IARS1: variants seen among roughly 807,000 people sequenced by gnomAD.
IARS1 encodes isoleucyl-tRNA synthetase 1, also known as isoleucine--tRNA ligase, cytoplasmic.
A neutral mutation model predicts 168.2 loss-of-function variants in IARS1; 124 were observed. That is an observed-to-expected ratio of 0.74 (90% CI 0.64 to 0.86). The LOEUF (loss-of-function observed/expected upper bound fraction) is 0.86, where lower values mean the gene tolerates loss of function less well. Among genes scored for constraint, IARS1 ranks in the 40% least tolerant of loss-of-function variants. IARS1 has a pLI of 0.00. For missense variants in IARS1, 1,452 were observed against 1,515.8 expected, an observed-to-expected ratio of 0.96 and a Z score of 0.70; for synonymous variants, 532 against 529.4, an observed-to-expected ratio of 1.00 and a Z score of -0.07.
At chr9:92,249,001 C>T (rs1829638647) in intron 25 of IARS1, among the ~76,000 whole-genome samples, 1 of 152,220 alleles carries the variant, frequency 6.6e-6, no homozygotes, top group African/African-American at 2.4e-5. Flanking sequence ...CAAAACTCCA[C>T]TTCTGGAATC....
chr9:92,259,213 G>A (rs967319351), intron 18 of IARS1, among the ~76,000 whole-genome samples: 2 of 152,158 alleles, frequency 1.3e-5, no homozygotes, highest in African/African-American at 4.8e-5. Context: ...TATATAATCT[G>A]ACACCAAAAT....
chr9:92,242,544 T>C (rs557097800), intron 28 of IARS1: 23 of 536,658 alleles, frequency 4.3e-5, no homozygotes, highest in Admixed American at 3.5e-4. Flanking sequence ...GGATAGGGCA[T>C]GTTTCTTTTC....
chr9:92,291,231 AG>A (rs1295996013), intron 1 of IARS1, among the ~76,000 whole-genome samples: 4 of 152,138 alleles, frequency 2.6e-5, no homozygotes, highest in Non-Finnish European at 5.9e-5. Context: ...TCAGATCAGA[AG>A]GGGATAAAAT....
chr9:92,237,472 T>TGA (rs1351627225), intron 30 of IARS1, among the ~76,000 whole-genome samples: 5 of 152,338 alleles, frequency 3.3e-5, no homozygotes, highest in African/African-American at 1.2e-4. Context: ...CAAAGTTCTG[T>TGA]GAGAGCTCAA....
intron 21 of IARS1, among the ~76,000 whole-genome samples, chr9:92,252,836 G>C (rs1430695685): frequency 2.1e-5 from 3 of 140,374 alleles, no homozygotes; most frequent in Admixed American, 1.5e-4. Flanking sequence ...CATTGGGCCT[G>C]CAGTAAAGAG....
chr9:92,238,184 G>A (rs1438437468), intron 30 of IARS1, among the ~76,000 whole-genome samples: 1 of 152,150 alleles, frequency 6.6e-6, no homozygotes, highest in African/African-American at 2.4e-5. Flanking sequence ...GATTACAGGC[G>A]TGAGCCACTG....
chr9:92,269,946 A>AG lies in IARS1; in HGVS notation c.1242dup (p.Trp415LeufsTer17). On this transcript the variant is annotated frameshift_variant, in exon 13 of 34. Transcript: ENST00000443024. LOFTEE classifies it high-confidence loss of function. ...ACCATGTTCTCCACTCGCACAAACC[A>AG]GCTGGGCACTGCTTTGTAAATTAGA... 6.2e-7 allele frequency: 1 copy of AG among 1,613,848 alleles called. No homozygotes were observed. Among genetic ancestry groups the AG allele is most frequent in the East Asian group, 2.2e-5 (1 of 44,856 alleles).
intron 21 of IARS1, among the ~76,000 whole-genome samples, chr9:92,252,722 C>T (rs2133721061): frequency 7.7e-6 from 1 of 129,580 alleles, no homozygotes; most frequent in African/African-American, 3.0e-5. Context: ...CAAGATCATG[C>T]CACTGCACTC....
chr9:92,268,862 T>C (rs12353096), intron 13 of IARS1, among the ~76,000 whole-genome samples: 72,221 of 151,994 alleles, frequency 0.48, 20,682 homozygotes, highest in African/African-American at 0.81. Context: ...CTTCCCTCCC[T>C]TCTGCATCCA....
chr9:92,268,121 T>C (rs1370486756), intron 14 of IARS1, 53 bp downstream of exon 14: 1 of 1,511,554 alleles, frequency 6.6e-7, no homozygotes, highest in Non-Finnish European at 8.8e-7. Flanking sequence ...TCAGATTTCA[T>C]GAACAAAATG....
chr9:92,268,952 C>T lies in IARS1; in HGVS notation c.1305-652G>A, dbSNP rs899651610. Among the ~76,000 whole-genome samples, 6 of 152,302 alleles carry T rather than the reference C, an allele frequency of 3.9e-5. No homozygotes were observed. In the East Asian group the frequency reaches 1.2e-3, roughly 29 times the overall value. ...GCAGAAATCCTTTTCAAGCACAAGGCTGAGTCAGGGTAGGCTACCAGACCT... is the reference window on the plus strand; with the variant it reads ...GCAGAAATCCTTTTCAAGCACAAGGTTGAGTCAGGGTAGGCTACCAGACCT... On this transcript the variant is annotated intron_variant, in intron 13 of 33. Coordinates refer to ENST00000443024, the MANE Select transcript of IARS1 (RefSeq NM_002161.6).
Position 92,256,707 on chromosome 9 carries a change from T to C in IARS1, c.2110A>G (p.Ile704Val), listed in dbSNP as rs1830777183. Residue 704 changes from isoleucine (I) to valine (V), a missense_variant, in exon 20 of 34, where the codon ATT becomes GTT. Ile to Val is a conservative substitution (Grantham distance 29, BLOSUM62 3). Transcript: ENST00000443024. ...RWILSFMQSL[I>V]GFFETEMAAY... ...GCCATTTCAGTCTCAAAGAAGCCAA[T>C]GAGAGACTGCATGAAGGACAGGATC... is the stretch of plus-strand genomic sequence containing the variant. 1 of 1,613,928 alleles carries C rather than the reference T, an allele frequency of 6.2e-7. No homozygotes were observed. Among genetic ancestry groups the C allele is most frequent in the Non-Finnish European group, 8.5e-7 (1 of 1,179,852 alleles).
intron 33 of IARS1, among the ~76,000 whole-genome samples, chr9:92,220,984 C>G (rs1839587667): frequency 6.6e-6 from 1 of 151,792 alleles, no homozygotes; most frequent in South Asian, 2.1e-4. Flanking sequence ...CAAAACAAAA[C>G]AAAAAAACCA....
At chr9:92,212,438 A>G (rs978138711) in intron 33 of IARS1, among the ~76,000 whole-genome samples, 1 of 152,260 alleles carries the variant, frequency 6.6e-6, no homozygotes, top group Non-Finnish European at 1.5e-5. Context: ...GAGTAAAGAG[A>G]ATACAGAAAG....
chr9:92,268,085 A>C, intron 14 of IARS1, 89 bp downstream of exon 14: 1 of 1,362,044 alleles, frequency 7.3e-7, no homozygotes, highest in Non-Finnish European at 9.8e-7. Flanking sequence ...GCAAAGAAAA[A>C]AACACCCTAT....
intron 22 of IARS1, chr9:92,251,084 G>A: frequency 1.9e-6 from 1 of 530,758 alleles, no homozygotes; most frequent in Non-Finnish European, 3.6e-6. Flanking sequence ...AGAAACAGGA[G>A]CACCTAATGA....
intron 30 of IARS1, among the ~76,000 whole-genome samples, chr9:92,235,863 T>C (rs960703109): frequency 6.6e-6 from 1 of 152,164 alleles, no homozygotes; most frequent in Non-Finnish European, 1.5e-5. Context: ...CTTGCATCCC[T>C]GGAATAAATC....
chr9:92,259,039 C>G (rs369780120), intron 18 of IARS1, 41 bp from the exon 19 acceptor site: 1 of 1,532,864 alleles, frequency 6.5e-7, no homozygotes, highest in Non-Finnish European at 8.8e-7. Context: ...GGTACTTAGA[C>G]AGTAAACCAA....
chr9:92,250,351 T>C (rs1002899676), intron 23 of IARS1, 62 bp from the exon 24 acceptor site: 22 of 1,020,416 alleles, frequency 2.2e-5, no homozygotes, highest in Non-Finnish European at 2.8e-5. Flanking sequence ...TTGAAGGCAC[T>C]AGGCATGCAT....
Sources: gnomAD v4.1 joint callset for allele counts (sites outside exome capture counted in the v4.1 genomes callset) on GRCh38, gnomAD v4.1.1 for gene constraint, MANE v1.5 for transcripts, NCBI Gene and HGNC (gene_info 2026-07-23, HGNC 2026-07-21) for gene names.